Variants in LYPD6B observed in about 807,000 individuals in gnomAD.
LYPD6B encodes LY6/PLAUR domain containing 6B.
In LYPD6B, 17 loss-of-function variants were observed where a neutral mutation model predicts 22.8. The observed-to-expected ratio is 0.75, with a 90% confidence interval of 0.51 to 1.12. LYPD6B has a LOEUF of 1.12. LYPD6B is among the 50% of genes most tolerant of loss of function. The pLI is 0.00. For missense variants in LYPD6B, 221 were observed against 258.3 expected, an observed-to-expected ratio of 0.86 and a Z score of 0.99; for synonymous variants, 106 against 91.6, an observed-to-expected ratio of 1.16 and a Z score of -0.90.
At chr2:149,059,949 G>C (rs1408145170) in intron 1 of LYPD6B, among the ~76,000 whole-genome samples, 1 of 152,158 alleles carries the variant, frequency 6.6e-6, no homozygotes, top group African/African-American at 2.4e-5. Context: ...GCAAAGGTGT[G>C]AGGGAGTTGG....
chr2:149,130,140 A>T (rs1687937656), intron 1 of LYPD6B, among the ~76,000 whole-genome samples: 1 of 152,178 alleles, frequency 6.6e-6, no homozygotes, highest in African/African-American at 2.4e-5. Flanking sequence ...TGAGCCTTGG[A>T]TTCATCAGGG....
At chr2:149,120,361 G>GTATATATATATA (rs764587788) in intron 1 of LYPD6B, among the ~76,000 whole-genome samples, 8 of 38,756 alleles carry the variant, frequency 2.1e-4, no homozygotes, top group African/African-American at 5.3e-4. Flanking sequence ...GTGTGTGTGT[G>GTATATATATATA]TATATATATA....
chr2:149,089,154 A>C (rs563559312), intron 1 of LYPD6B, among the ~76,000 whole-genome samples: 1 of 152,256 alleles, frequency 6.6e-6, no homozygotes, highest in South Asian at 2.1e-4. Flanking sequence ...GTTATTTTTC[A>C]ATATTGAAAG....
At chr2:149,120,381 ATAT>A (rs1367484284) in intron 1 of LYPD6B, among the ~76,000 whole-genome samples, 1 of 43,490 alleles carries the variant, frequency 2.3e-5, no homozygotes, top group East Asian at 1.6e-3. Flanking sequence ...ATATATATAT[ATAT>A]TTTTTTTTTT....
intron 1 of LYPD6B, among the ~76,000 whole-genome samples, chr2:149,051,708 G>A (rs12472769): frequency 0.2 from 30,455 of 151,638 alleles, 3,198 homozygotes; most frequent in South Asian, 0.29. Context: ...CTCTGTTGCC[G>A]AGACTGAAGT....
intron 1 of LYPD6B, among the ~76,000 whole-genome samples, chr2:149,039,671 A>AT (rs1378902473): frequency 6.6e-6 from 1 of 151,982 alleles, no homozygotes; most frequent in South Asian, 2.1e-4. Context: ...ATACTGCTTG[A>AT]TTTTTCCCCC....
At chr2:149,179,850 C>A (rs1441649787) in intron 3 of LYPD6B, among the ~76,000 whole-genome samples, 2 of 152,190 alleles carry the variant, frequency 1.3e-5, no homozygotes, top group Non-Finnish European at 2.9e-5. Flanking sequence ...TTTAGGAATT[C>A]TTTTAGTTAG....
intron 3 of LYPD6B, among the ~76,000 whole-genome samples, chr2:149,185,099 G>A (rs1042950517): frequency 1.2e-4 from 18 of 152,174 alleles, no homozygotes; most frequent in Non-Finnish European, 1.8e-4. Flanking sequence ...GAGGGAGACC[G>A]GCATCTCCTC....
intron 3 of LYPD6B, among the ~76,000 whole-genome samples, chr2:149,167,784 A>G (rs941642239): frequency 2.0e-5 from 3 of 152,210 alleles, no homozygotes; most frequent in Non-Finnish European, 4.4e-5. Context: ...TTTTATGACC[A>G]GTGTTGCAGG....
chr2:149,196,380 C>T (rs969778907), intron 3 of LYPD6B, among the ~76,000 whole-genome samples: 2 of 152,044 alleles, frequency 1.3e-5, no homozygotes, highest in African/African-American at 2.4e-5. Context: ...TTTTAAATGC[C>T]CTCCTGTTTC....
Position 149,046,495 on chromosome 2 carries a change from C to CT in LYPD6B, c.-67+7701dup, listed in dbSNP as rs1277898442. Among the ~76,000 whole-genome samples, 5 of 151,210 alleles carry CT rather than the reference C, an allele frequency of 3.3e-5. No individual in the cohort carries two copies. The East Asian group carries it at 9.7e-4, about 29-fold the overall frequency. ...TTCTTTTTTTTTCTTGTTTCTTGAG[C>CT]TTTTTTTGTTGTTGTTGTTGTTTAT... On this transcript the variant is annotated intron_variant, in intron 1 of 6. Transcript: ENST00000409642.
intron 2 of LYPD6B, among the ~76,000 whole-genome samples, chr2:149,136,001 C>A (rs1688347519): frequency 1.3e-5 from 2 of 152,110 alleles, no homozygotes; most frequent in Admixed American, 6.6e-5. Flanking sequence ...TAATTCATAT[C>A]TTTCCATGGC....
intron 1 of LYPD6B, among the ~76,000 whole-genome samples, chr2:149,042,823 A>G (rs1390557272): frequency 6.6e-6 from 1 of 152,224 alleles, no homozygotes; most frequent in Non-Finnish European, 1.5e-5. Flanking sequence ...CAGCAGAGCT[A>G]TATGGTCTAA....
intron 1 of LYPD6B, among the ~76,000 whole-genome samples, chr2:149,085,593 G>C (rs1286307330): frequency 2.6e-5 from 4 of 152,218 alleles, no homozygotes; most frequent in Admixed American, 2.6e-4. Flanking sequence ...TTTCTTAACT[G>C]TTGGCAACAA....
intron 1 of LYPD6B, among the ~76,000 whole-genome samples, chr2:149,040,291 G>A (rs1354050990): frequency 6.7e-6 from 1 of 148,456 alleles, no homozygotes; most frequent in Non-Finnish European, 1.5e-5. Flanking sequence ...GTGTGATCTC[G>A]GCTCACTGCA....
At chr2:149,169,270 A>C (rs1296531560) in intron 3 of LYPD6B, among the ~76,000 whole-genome samples, 1 of 152,096 alleles carries the variant, frequency 6.6e-6, no homozygotes, top group East Asian at 1.9e-4. Flanking sequence ...CTCTTCCCCA[A>C]AACAGGCAAT....
chr2:149,078,842 T>C (rs1684991392), intron 1 of LYPD6B, among the ~76,000 whole-genome samples: 1 of 151,954 alleles, frequency 6.6e-6, no homozygotes, highest in Non-Finnish European at 1.5e-5. Context: ...CCCCCATCTC[T>C]AAAACATTTA....
chr2:149,087,130 A>G (rs937196298), intron 1 of LYPD6B, among the ~76,000 whole-genome samples: 1 of 152,150 alleles, frequency 6.6e-6, no homozygotes, highest in African/African-American at 2.4e-5. Context: ...CTAAAGAAAC[A>G]TATCCTATTC....
rs1183098649 is a variant in LYPD6B, at chr2:149,072,237, A to G, written c.-67+33436A>G. On this transcript the variant is annotated intron_variant, in intron 1 of 6. Coordinates refer to ENST00000409642, the MANE Select transcript of LYPD6B (RefSeq NM_177964.5). ...CTTTCAGCACATGTGCCTCTGGTGA[A>G]GAGGATAATAAACAAACACATAAGT... Among the ~76,000 whole-genome samples the G allele has an allele frequency of 2.6e-5, 4 of 152,210 alleles. No individual in the cohort carries two copies. In the East Asian group the frequency reaches 7.7e-4, roughly 29 times the overall value.
Sources: allele counts gnomAD v4.1 joint callset (sites outside exome capture counted in the v4.1 genomes callset), GRCh38; gene constraint gnomAD v4.1.1; transcripts MANE v1.5; gene names NCBI Gene and HGNC (gene_info 2026-07-23, HGNC 2026-07-21).